LIN7A: variants seen among roughly 807,000 people sequenced by gnomAD.
LIN7A encodes the protein lin-7 cell polarity scaffold A, also known as protein lin-7 homolog A.
In LIN7A, 25 loss-of-function variants were observed where a neutral mutation model predicts 29.8. That is an observed-to-expected ratio of 0.84 (90% CI 0.61 to 1.17). The LOEUF (loss-of-function observed/expected upper bound fraction) is 1.17. Ranked by LOEUF, LIN7A falls within the 50% of genes most tolerant of loss-of-function variation. LIN7A has a pLI of 0.00. For missense variants in LIN7A, 239 were observed against 287.0 expected, an observed-to-expected ratio of 0.83 and a Z score of 1.21; for synonymous variants, 118 against 107.5, an observed-to-expected ratio of 1.10 and a Z score of -0.60.
intron 1 of LIN7A, among the ~76,000 whole-genome samples, chr12:80,919,797 G>C (rs1403351645): frequency 1.3e-5 from 2 of 152,164 alleles, no homozygotes; most frequent in Non-Finnish European, 2.9e-5. Context: ...AGAAAGGCAG[G>C]ATCCTGAGAA....
chr12:80,848,405 C>A, intron 2 of LIN7A, 83 bp from the exon 3 acceptor site: 1 of 1,060,296 alleles, frequency 9.4e-7, no homozygotes, highest in Non-Finnish European at 1.4e-6. Flanking sequence ...ATTATATTTT[C>A]ACTGTAGGAA....
At chr12:80,835,692 A>T (rs1018509485) in intron 4 of LIN7A, among the ~76,000 whole-genome samples, 8 of 152,226 alleles carry the variant, frequency 5.3e-5, no homozygotes, top group African/African-American at 1.7e-4. Flanking sequence ...TCTTTGGATT[A>T]AACCTGTGAG....
intron 2 of LIN7A, among the ~76,000 whole-genome samples, chr12:80,862,978 A>G (rs1477491317): frequency 6.6e-6 from 1 of 152,210 alleles, no homozygotes. Context: ...GGAGTTTTCC[A>G]TTACATCTTT....
At chr12:80,838,066 C>A (rs886407648) in intron 4 of LIN7A, among the ~76,000 whole-genome samples, 1 of 152,144 alleles carries the variant, frequency 6.6e-6, no homozygotes, top group African/African-American at 2.4e-5. Flanking sequence ...AGAAAGACTG[C>A]ACCAGTAACT....
At chr12:80,888,742 C>G (rs1875466245) in intron 2 of LIN7A, among the ~76,000 whole-genome samples, 1 of 152,080 alleles carries the variant, frequency 6.6e-6, no homozygotes, top group African/African-American at 2.4e-5. Flanking sequence ...CTTGTTTCAC[C>G]TTAGTCTTCT....
At chr12:80,806,964 T>G (rs1227107775) in intron 5 of LIN7A, among the ~76,000 whole-genome samples, 1 of 151,896 alleles carries the variant, frequency 6.6e-6, no homozygotes, top group East Asian at 1.9e-4. Context: ...AACTCTACTA[T>G]ATCTCATGCC....
rs1872822767 is a variant in LIN7A at position 80,841,507 on chromosome 12, G to A, written c.483+4223C>T. On this transcript the variant is annotated intron_variant, in intron 4 of 5. Transcript: ENST00000552864. ...ATCAGAGCCCCTACAATCACATTAT[G>A]TTTTGTCCCCCTCCCTCAACTTGCT... is the stretch of plus-strand genomic sequence containing the variant. Among the ~76,000 whole-genome samples, 4 of 151,932 alleles carry A rather than the reference G, an allele frequency of 2.6e-5. No homozygotes were observed. The South Asian group carries it at 6.2e-4, about 24-fold the overall frequency.
At chr12:80,854,274 G>A (rs545742771) in intron 2 of LIN7A, among the ~76,000 whole-genome samples, 1 of 151,902 alleles carries the variant, frequency 6.6e-6, no homozygotes, top group South Asian at 2.1e-4. Context: ...GGACTACTTG[G>A]CATTAAAAAG....
At position 80,901,344 on chromosome 12, in the gene LIN7A, A is replaced by G. The variant is rs577134408; in HGVS notation, c.83-11975T>C. On this transcript the variant is annotated intron_variant, in intron 1 of 5. Transcript: ENST00000552864. The stretch of plus-strand genomic sequence containing the variant: ...TCAAGTTTAATTTAATTCGAAGTCT[A>G]TGTATTTTACCTTTTCTTCCCTAAT... Among the ~76,000 whole-genome samples, 3 of 152,288 alleles carry G rather than the reference A, an allele frequency of 2.0e-5. No homozygotes were observed. The South Asian group carries it at 6.2e-4, about 32-fold the overall frequency.
chr12:80,898,811 C>T (rs866053918), intron 1 of LIN7A, among the ~76,000 whole-genome samples: 17 of 152,166 alleles, frequency 1.1e-4, no homozygotes, highest in South Asian at 2.1e-4. Context: ...ATGGAAATGC[C>T]ACTGATTTTT....
intron 4 of LIN7A, among the ~76,000 whole-genome samples, chr12:80,844,964 C>T (rs774254530): frequency 6.6e-6 from 1 of 151,950 alleles, no homozygotes; most frequent in Non-Finnish European, 1.5e-5. Context: ...TGAGGCCGGG[C>T]GCGATGGTTC....
At chr12:80,800,326 C>G (rs1340975589) in intron 5 of LIN7A, among the ~76,000 whole-genome samples, 1 of 151,610 alleles carries the variant, frequency 6.6e-6, no homozygotes, top group Non-Finnish European at 1.5e-5. Flanking sequence ...CTGGTCTCTA[C>G]TAAAAATACA....
At chr12:80,880,537 C>G (rs576068011) in intron 2 of LIN7A, among the ~76,000 whole-genome samples, 2 of 152,222 alleles carry the variant, frequency 1.3e-5, no homozygotes, top group Admixed American at 1.3e-4. Context: ...GGCAAAGCAT[C>G]TTTTTAGAAT....
In LIN7A at chr12:80,873,347, T is replaced by C. The variant is rs192190619; in HGVS notation, c.201+15904A>G. Among the ~76,000 whole-genome samples the C allele has an allele frequency of 5.5e-3, 835 of 151,678 alleles. 6 individuals are homozygous for C. The highest frequency in any genetic ancestry group is 9.9e-3 in the Non-Finnish European group (672 of 67,874). On this transcript the variant is annotated intron_variant, in intron 2 of 5. Transcript: ENST00000552864. Reference sequence around the variant, plus strand: ...GAGTTCAAGACCAGCCTGGGCAACATATCAAGACCTTGTCTCCATAAACAA... The same window carrying C: ...GAGTTCAAGACCAGCCTGGGCAACACATCAAGACCTTGTCTCCATAAACAA...
At chr12:80,814,656 C>T (rs1035432601) in intron 4 of LIN7A, among the ~76,000 whole-genome samples, 21 of 152,250 alleles carry the variant, frequency 1.4e-4, no homozygotes, top group African/African-American at 5.1e-4. Context: ...AGAAAAACGG[C>T]TGGCTGGTGC....
chr12:80,852,399 TGA>T (rs1873378964), intron 2 of LIN7A, among the ~76,000 whole-genome samples: 2 of 152,176 alleles, frequency 1.3e-5, no homozygotes, highest in Admixed American at 6.5e-5. Flanking sequence ...GCCTTTATTG[TGA>T]GTTTCTCATT....
chr12:80,868,607 A>C (rs1470826956), intron 2 of LIN7A, among the ~76,000 whole-genome samples: 1 of 152,138 alleles, frequency 6.6e-6, no homozygotes, highest in African/African-American at 2.4e-5. Flanking sequence ...ACAACAACAA[A>C]AAACAGGAAA....
chr12:80,924,896 T>A (rs1877500097), intron 1 of LIN7A, among the ~76,000 whole-genome samples: 1 of 152,222 alleles, frequency 6.6e-6, no homozygotes, highest in Admixed American at 6.5e-5. Context: ...CTTTTACAAA[T>A]TGTTATTCAA....
intron 4 of LIN7A, among the ~76,000 whole-genome samples, chr12:80,841,381 A>G (rs553575922): frequency 2.2e-4 from 33 of 148,330 alleles, no homozygotes; most frequent in African/African-American, 8.2e-4. Flanking sequence ...GGAAGGAAGG[A>G]AGGAAGGAAG....
Sources: allele counts gnomAD v4.1 joint callset (sites outside exome capture counted in the v4.1 genomes callset), GRCh38; gene constraint gnomAD v4.1.1; transcripts MANE v1.5; gene names NCBI Gene and HGNC (gene_info 2026-07-23, HGNC 2026-07-21).